The following GAS7 variants were observed in gnomAD, a reference collection of about 807,000 sequenced individuals.
GAS7 encodes the protein growth arrest-specific protein 7.
GAS7 carries 28 observed loss-of-function variants against 71.1 expected under a neutral mutation model. That is an observed-to-expected ratio of 0.39 (90% confidence interval 0.29 to 0.54). GAS7 has a LOEUF of 0.54. GAS7 is among the 20% of genes least tolerant of loss of function. The probability of loss-of-function intolerance (pLI) is 0.62; values close to 1 mark genes in which losing one functional copy is unlikely to be tolerated. For missense variants in GAS7, 436 were observed against 627.8 expected, an observed-to-expected ratio of 0.69 and a Z score of 3.27; for synonymous variants, 258 against 245.8, an observed-to-expected ratio of 1.05 and a Z score of -0.46.
rs1480751151 is a variant in GAS7, at chr17:9,916,085, G to C, written c.*1143C>G. ...GCCTGAAAGGCGACAACCTAGTGTG[G>C]CCACAAGAGAGTCTGCTATGCCTGT... On this transcript the variant is annotated 3_prime_UTR_variant, in exon 14 of 14. Transcript: ENST00000432992. 2 of 233,154 alleles carry C rather than the reference G, an allele frequency of 8.6e-6. No individual in the cohort carries two copies. Among genetic ancestry groups the C allele is most frequent in the African/African-American group, 4.4e-5 (2 of 45,342 alleles). 14.4% of individuals were successfully genotyped at this position (233,154 alleles called of 1,614,324 possible).
intron 2 of GAS7, among the ~76,000 whole-genome samples, chr17:9,998,597 G>A (rs1030458448): frequency 4.6e-5 from 7 of 151,566 alleles, no homozygotes; most frequent in African/African-American, 1.7e-4. Flanking sequence ...TGAGACCCCT[G>A]TCTCTATTTT....
At chr17:9,993,451 C>T (rs1319947964) in intron 2 of GAS7, among the ~76,000 whole-genome samples, 2 of 152,118 alleles carry the variant, frequency 1.3e-5, no homozygotes, top group African/African-American at 4.8e-5. Flanking sequence ...TTGATGGATG[C>T]AGAAAAGGCC....
chr17:10,022,501 C>G (rs994572746), intron 1 of GAS7, among the ~76,000 whole-genome samples: 2 of 152,182 alleles, frequency 1.3e-5, no homozygotes, highest in Non-Finnish European at 2.9e-5. Context: ...GCGAAAACAG[C>G]CCTCAGGCTC....
chr17:10,097,248 G>A lies in GAS7; in HGVS notation c.184-77351C>T, dbSNP rs188730684. On this transcript the variant is annotated intron_variant, in intron 1 of 13. Transcript: ENST00000432992. ...TAAACTCGGCTCTTCCAACAAGACC[G>A]CAAGCTCCTATGGCAGTGGTCAGGG... Among the ~76,000 whole-genome samples the A allele has an allele frequency of 3.4e-3, 517 of 152,254 alleles. 3 individuals carry two copies. Among genetic ancestry groups the A allele is most frequent in the African/African-American group, 0.012 (500 of 41,534 alleles).
chr17:9,984,414 G>A (rs922718989), intron 2 of GAS7, among the ~76,000 whole-genome samples: 2 of 152,150 alleles, frequency 1.3e-5, no homozygotes, highest in Non-Finnish European at 2.9e-5. Flanking sequence ...CATGTCTTAA[G>A]GGAGAGAAAA....
At chr17:10,032,664 A>C (rs1483478184) in intron 1 of GAS7, among the ~76,000 whole-genome samples, 1 of 152,232 alleles carries the variant, frequency 6.6e-6, no homozygotes, top group Non-Finnish European at 1.5e-5. Flanking sequence ...TCAGCTTCCA[A>C]AAACAGCAGC....
chr17:10,127,440 C>T (rs1322793491), intron 1 of GAS7, among the ~76,000 whole-genome samples: 1 of 152,104 alleles, frequency 6.6e-6, no homozygotes, highest in Admixed American at 6.5e-5. Context: ...GAGTCCACGG[C>T]CTGGAGGAGA....
chr17:10,133,218 G>A (rs953727719), intron 1 of GAS7, among the ~76,000 whole-genome samples: 2 of 151,498 alleles, frequency 1.3e-5, no homozygotes, highest in Non-Finnish European at 2.9e-5. Flanking sequence ...CACCTCCTGG[G>A]TTCAAGTGAT....
At chr17:10,047,496 C>G (rs1031833530) in intron 1 of GAS7, among the ~76,000 whole-genome samples, 1 of 152,154 alleles carries the variant, frequency 6.6e-6, no homozygotes, top group Non-Finnish European at 1.5e-5. Flanking sequence ...TTACATAGAT[C>G]CTGCCGTGTC....
chr17:9,926,855 C>CAG lies in GAS7; in HGVS notation c.886-87_886-86insCT. 5 of 1,417,758 alleles carry CAG rather than the reference C, an allele frequency of 3.5e-6. No individual in the cohort carries two copies. The South Asian group carries it at 5.8e-5, about 16-fold the overall frequency. 87.8% of individuals were successfully genotyped at this position (1,417,758 alleles called of 1,614,324 possible). ...GGAGGAGGGATGGGAGGGGCACCCC[C>CAG]ACTTCCCCAGGCAAGTGAGGATGAG... On this transcript the variant is annotated intron_variant, in intron 9 of 13. Transcript: ENST00000432992. This position sits in a 1 kb window ranked among gnomAD's most constrained non-coding sequence, Gnocchi z 5.0.
intron 5 of GAS7, among the ~76,000 whole-genome samples, chr17:9,952,554 G>C (rs1417113408): frequency 6.6e-6 from 1 of 152,096 alleles, no homozygotes; most frequent in Non-Finnish European, 1.5e-5. Context: ...ACCATGCCCG[G>C]CTAATTTTTG....
At chr17:9,967,614 C>CTTT (rs55673577) in intron 4 of GAS7, among the ~76,000 whole-genome samples, 72,666 of 150,722 alleles carry the variant, frequency 0.48, 17,469 homozygotes, top group Middle Eastern at 0.51. Context: ...GTGTGTCCTA[C>CTTT]TTTTTTTTTA....
intron 5 of GAS7, among the ~76,000 whole-genome samples, chr17:9,949,692 G>A (rs952759128): frequency 1.3e-5 from 2 of 152,204 alleles, no homozygotes; most frequent in African/African-American, 4.8e-5. Context: ...CAGGAATGAC[G>A]TGGACGACCC....
intron 1 of GAS7, among the ~76,000 whole-genome samples, chr17:10,129,417 CCCAG>C (rs1410586745): frequency 1.4e-4 from 22 of 152,092 alleles, no homozygotes; most frequent in African/African-American, 4.6e-4. Flanking sequence ...TGCCTGTAGT[CCCAG>C]CTACTTGGGA....
chr17:10,140,445 C>T (rs111922247), intron 1 of GAS7, among the ~76,000 whole-genome samples: 3 of 151,848 alleles, frequency 2.0e-5, no homozygotes, highest in Non-Finnish European at 2.9e-5. Context: ...GGTGACAGGG[C>T]GAGACCCTGT....
intron 1 of GAS7, among the ~76,000 whole-genome samples, chr17:10,097,004 CAACA>C (rs893486195): frequency 6.6e-6 from 1 of 152,248 alleles, no homozygotes; most frequent in Non-Finnish European, 1.5e-5. Flanking sequence ...ATCAAAAACA[CAACA>C]AATACCCCAA....
At chr17:9,927,043 T>G in intron 9 of GAS7, 3 of 368,134 alleles carry the variant, frequency 8.1e-6, no homozygotes, top group Non-Finnish European at 9.7e-6. Context: ...ATCTGTTAAC[T>G]ACTTTTTTTC....
intron 1 of GAS7, among the ~76,000 whole-genome samples, chr17:10,162,325 CCT>C (rs1402878958): frequency 2.6e-5 from 4 of 152,098 alleles, no homozygotes; most frequent in Non-Finnish European, 1.5e-5. Context: ...CACACTGAAT[CCT>C]CTCTCTCTAG....
intron 2 of GAS7, among the ~76,000 whole-genome samples, chr17:9,996,411 G>A (rs1169675555): frequency 2.8e-5 from 4 of 141,546 alleles, no homozygotes; most frequent in African/African-American, 5.2e-5. Context: ...TCACACACCC[G>A]GGCCTGTTGT....
Sources: allele counts gnomAD v4.1 joint callset (sites outside exome capture counted in the v4.1 genomes callset), GRCh38; gene constraint gnomAD v4.1.1; non-coding constraint Gnocchi (gnomAD v3.1); transcripts MANE v1.5; gene names NCBI Gene and HGNC (gene_info 2026-07-23, HGNC 2026-07-21).